Variants in ATP8A1 observed in about 807,000 individuals in gnomAD.
ATP8A1 encodes the protein ATPase phospholipid transporting 8A1.
In ATP8A1, 90 loss-of-function variants were observed where a neutral mutation model predicts 177.7. The observed-to-expected ratio is 0.51, with a 90% CI of 0.43 to 0.60. The LOEUF is 0.60. Among genes scored for constraint, ATP8A1 ranks in the 20% least tolerant of loss-of-function variants. ATP8A1 has a pLI of 0.00. For missense variants in ATP8A1, 1,072 were observed against 1,392.8 expected (o/e 0.77, Z 3.67); for synonymous variants, 493 against 485.9 (o/e 1.01, Z -0.19).
intron 12 of ATP8A1, among the ~76,000 whole-genome samples, chr4:42,576,001 G>T (rs1257316987): frequency 2.0e-5 from 3 of 152,050 alleles, no homozygotes; most frequent in Non-Finnish European, 1.5e-5. Context: ...CTATTATAAG[G>T]ATTAAAAGAT....
chr4:42,431,200 A>G (rs748051134), intron 33 of ATP8A1, among the ~76,000 whole-genome samples: 1 of 152,164 alleles, frequency 6.6e-6, no homozygotes, highest in African/African-American at 2.4e-5. Context: ...TTAAAGAGGA[A>G]AAAACTTTAA....
At chr4:42,526,391 T>C (rs1405046628) in intron 20 of ATP8A1, among the ~76,000 whole-genome samples, 1 of 152,210 alleles carries the variant, frequency 6.6e-6, no homozygotes, top group Non-Finnish European at 1.5e-5. Context: ...ATACAAAGTA[T>C]TGATCCTGGG....
chr4:42,478,081 C>T (rs556390169), intron 25 of ATP8A1, among the ~76,000 whole-genome samples: 9 of 151,852 alleles, frequency 5.9e-5, no homozygotes, highest in East Asian at 1.9e-4. Flanking sequence ...ATTTTTTTGG[C>T]GGGCGGCTCA....
chr4:42,525,316 G>C (rs12649944), intron 20 of ATP8A1, among the ~76,000 whole-genome samples: 56,020 of 151,942 alleles, frequency 0.37, 10,616 homozygotes, highest in East Asian at 0.57. Flanking sequence ...TCTCGAAGGG[G>C]CTACATGCTA....
chr4:42,629,093 T>C (rs776786240), intron 1 of ATP8A1, among the ~76,000 whole-genome samples: 3 of 152,196 alleles, frequency 2.0e-5, no homozygotes, highest in Non-Finnish European at 4.4e-5. Flanking sequence ...AGATATTAAC[T>C]TGTATTCAAG....
intron 6 of ATP8A1, among the ~76,000 whole-genome samples, chr4:42,598,481 A>G (rs1285509740): frequency 2.0e-5 from 3 of 152,090 alleles, no homozygotes; most frequent in Non-Finnish European, 4.4e-5. Flanking sequence ...CATTTTTCCA[A>G]AATATATTCT....
At chr4:42,584,404 TC>T (rs778473505) in intron 9 of ATP8A1, among the ~76,000 whole-genome samples, 1 of 152,358 alleles carries the variant, frequency 6.6e-6, no homozygotes, top group Non-Finnish European at 1.5e-5. Flanking sequence ...CAACTCTTCT[TC>T]CATTTTCTCA....
intron 35 of ATP8A1, among the ~76,000 whole-genome samples, chr4:42,418,598 T>C (rs2153166621): frequency 6.6e-6 from 1 of 152,308 alleles, no homozygotes; most frequent in Admixed American, 6.5e-5. Flanking sequence ...ACATGGACTT[T>C]GGTAGAAGTC....
intron 1 of ATP8A1, among the ~76,000 whole-genome samples, chr4:42,638,471 G>A (rs1254818005): frequency 6.6e-6 from 1 of 152,210 alleles, no homozygotes; most frequent in Non-Finnish European, 1.5e-5. Context: ...GAAATCTATA[G>A]TATGCCTAGA....
chr4:42,502,574 TTGCTTC>T (rs1723962306), intron 24 of ATP8A1, among the ~76,000 whole-genome samples: 1 of 152,182 alleles, frequency 6.6e-6, no homozygotes, highest in Non-Finnish European at 1.5e-5. Context: ...TGCCCTGCTT[TTGCTTC>T]TGCATCACAG....
rs17630509 is a variant in ATP8A1 at position 42,454,537 on chromosome 4, A to G, written c.2817+760T>C. On this transcript the variant is annotated intron_variant, in intron 29 of 36. Transcript: ENST00000381668. Reference sequence around the variant, plus strand: ...TAGTTTCAAAATGACACCTAACTTGATTGTTGTAATATTAAATTTTTTCCT... The same window carrying G: ...TAGTTTCAAAATGACACCTAACTTGGTTGTTGTAATATTAAATTTTTTCCT... 4.5e-3 allele frequency among the ~76,000 whole-genome samples: 679 copies of G among 152,296 alleles called. 27 individuals are homozygous for G. The East Asian group carries it at 0.077, about 17-fold the overall frequency.
chr4:42,506,213 A>G (rs546764220), intron 23 of ATP8A1, among the ~76,000 whole-genome samples: 2 of 152,264 alleles, frequency 1.3e-5, no homozygotes, highest in South Asian at 4.1e-4. Context: ...TGACAGTAGG[A>G]GGTGGGGTCT....
At chr4:42,484,951 G>C (rs1722044007) in intron 25 of ATP8A1, among the ~76,000 whole-genome samples, 1 of 152,174 alleles carries the variant, frequency 6.6e-6, no homozygotes, top group Non-Finnish European at 1.5e-5. Context: ...AAGAAACTCA[G>C]GAAGGACTGG....
chr4:42,498,122 CAA>C (rs1723467858), intron 24 of ATP8A1, among the ~76,000 whole-genome samples: 5 of 152,166 alleles, frequency 3.3e-5, no homozygotes, highest in Admixed American at 3.3e-4. Context: ...CAAAGCAATA[CAA>C]AATATATTGT....
intron 25 of ATP8A1, among the ~76,000 whole-genome samples, chr4:42,469,552 A>C (rs929515884): frequency 1.3e-5 from 2 of 152,228 alleles, no homozygotes; most frequent in African/African-American, 4.8e-5. Context: ...TAAGACATTA[A>C]AAATGAATGT....
At chr4:42,469,687 A>G (rs747278076) in intron 25 of ATP8A1, among the ~76,000 whole-genome samples, 9 of 152,196 alleles carry the variant, frequency 5.9e-5, no homozygotes, top group Admixed American at 1.3e-4. Context: ...AGTTCACTTC[A>G]GGTAACAGAA....
rs1302644386 is a variant in ATP8A1 at position 42,455,526 on chromosome 4, AC to A, written c.2692del (p.Val898Ter). 6.2e-7 allele frequency: 1 copy of A among 1,613,632 alleles called. No individual in the cohort carries two copies. The highest frequency in any genetic ancestry group is 8.5e-7 in the Non-Finnish European group (1 of 1,179,746). On this transcript the variant is annotated frameshift_variant and splice_region_variant, in exon 28 of 37. Transcript: ENST00000381668. LOFTEE classifies it high-confidence loss of function. ...AATTATCAAATGTCCTAAACTTACCACGTTATAGAGACCTATACACCATCTT... is the reference window on the plus strand; with the variant it reads ...AATTATCAAATGTCCTAAACTTACCAGTTATAGAGACCTATACACCATCTT... ...FERWCIGLYN[V>X]MFTAMPPLTL...
intron 23 of ATP8A1, among the ~76,000 whole-genome samples, chr4:42,506,699 A>G (rs76192636): frequency 0.018 from 2,684 of 152,148 alleles, 75 homozygotes; most frequent in African/African-American, 0.061. Context: ...CTCTTTCCAA[A>G]ACATGGGGAT....
intron 30 of ATP8A1, among the ~76,000 whole-genome samples, chr4:42,450,090 C>G (rs1360605717): frequency 6.6e-6 from 1 of 152,090 alleles, no homozygotes; most frequent in Non-Finnish European, 1.5e-5. Flanking sequence ...TATCCTGTTG[C>G]TCCAAAAAGT....
Sources: allele counts gnomAD v4.1 joint callset (sites outside exome capture counted in the v4.1 genomes callset), GRCh38; gene constraint gnomAD v4.1.1; transcripts MANE v1.5; gene names NCBI Gene and HGNC (gene_info 2026-07-23, HGNC 2026-07-21).